The following LUZP2 variants were observed in gnomAD, a reference collection of about 807,000 sequenced individuals.
LUZP2 encodes the protein leucine zipper protein 2.
Under a neutral mutation model 51.6 loss-of-function variants are expected in LUZP2, and 52 were observed. That is an observed-to-expected ratio of 1.01 (90% CI 0.81 to 1.27). LUZP2 has a LOEUF of 1.27. LUZP2 is among the 50% of genes most tolerant of loss of function. The pLI is 0.00. For synonymous variants in LUZP2, 154 were observed against 137.3 expected (o/e 1.12, Z -0.85); for missense variants, 436 against 395.4 (o/e 1.10, Z -0.87).
chr11:24,960,011 G>T (rs1855344411), intron 7 of LUZP2, among the ~76,000 whole-genome samples: 3 of 152,154 alleles, frequency 2.0e-5, no homozygotes, highest in African/African-American at 7.2e-5. Context: ...AGATAATCAT[G>T]TGGTTTTTGT....
chr11:24,922,831 T>TTTTTTG (rs1854104614), intron 7 of LUZP2, among the ~76,000 whole-genome samples: 1 of 44,520 alleles, frequency 2.2e-5, no homozygotes, highest in Non-Finnish European at 4.1e-5. Flanking sequence ...ATATCTTTTT[T>TTTTTTG]TTTTTCTTTT....
At chr11:24,807,326 G>T (rs1200693913) in intron 5 of LUZP2, among the ~76,000 whole-genome samples, 1 of 152,024 alleles carries the variant, frequency 6.6e-6, no homozygotes, top group Non-Finnish European at 1.5e-5. Flanking sequence ...GCCAGGCGTA[G>T]TGGTGAGTGC....
intron 9 of LUZP2, among the ~76,000 whole-genome samples, chr11:25,008,648 TC>T (rs1856901233): frequency 6.6e-6 from 1 of 152,140 alleles, no homozygotes; most frequent in Non-Finnish European, 1.5e-5. Flanking sequence ...GGCTCCAGGT[TC>T]CTGTCCTGGG....
At chr11:24,667,479 C>G (rs1048236977) in intron 1 of LUZP2, among the ~76,000 whole-genome samples, 5 of 152,078 alleles carry the variant, frequency 3.3e-5, no homozygotes, top group African/African-American at 1.2e-4. Context: ...GCTGCCGCGT[C>G]CACCACATGT....
intron 1 of LUZP2, among the ~76,000 whole-genome samples, chr11:24,510,089 G>A (rs1034773605): frequency 2.6e-5 from 4 of 152,076 alleles, no homozygotes; most frequent in African/African-American, 7.2e-5. Flanking sequence ...TTTTAGTAAT[G>A]GCAGCCAGGT....
chr11:24,758,864 T>C (rs983802240), intron 4 of LUZP2, among the ~76,000 whole-genome samples: 1 of 152,092 alleles, frequency 6.6e-6, no homozygotes, highest in African/African-American at 2.4e-5. Context: ...CATTGATTTA[T>C]TTATCATTTT....
chr11:24,629,780 C>G (rs192115375), intron 1 of LUZP2, among the ~76,000 whole-genome samples: 92 of 151,808 alleles, frequency 6.1e-4, no homozygotes, highest in African/African-American at 2.1e-3. Context: ...TACTGTTTGT[C>G]ATAGAGGTTA....
chr11:25,002,817 T>C (rs1856726246), intron 9 of LUZP2, among the ~76,000 whole-genome samples: 1 of 152,134 alleles, frequency 6.6e-6, no homozygotes, highest in Non-Finnish European at 1.5e-5. Context: ...TTCTTTAAGA[T>C]TTTGAAGGCT....
At chr11:24,993,955 G>C (rs993574050) in intron 9 of LUZP2, among the ~76,000 whole-genome samples, 6 of 152,026 alleles carry the variant, frequency 3.9e-5, no homozygotes, top group Non-Finnish European at 5.9e-5. Flanking sequence ...CCGCCTCCGG[G>C]GTTCAAGTGA....
At chr11:24,715,308 C>T (rs12363557) in intron 1 of LUZP2, among the ~76,000 whole-genome samples, 85 of 24,132 alleles carry the variant, frequency 3.5e-3, no homozygotes, top group South Asian at 7.4e-3. Context: ...TGTGTGTGTG[C>T]ATGCGTATTT....
At chr11:24,873,796 T>C (rs931355032) in intron 5 of LUZP2, among the ~76,000 whole-genome samples, 2 of 152,228 alleles carry the variant, frequency 1.3e-5, no homozygotes, top group Non-Finnish European at 2.9e-5. Flanking sequence ...AACAAGTCCC[T>C]TGAGTTCTCT....
At chr11:24,995,484 C>T (rs1856465052) in intron 9 of LUZP2, among the ~76,000 whole-genome samples, 1 of 152,056 alleles carries the variant, frequency 6.6e-6, no homozygotes, top group African/African-American at 2.4e-5. Context: ...TTTATCATTT[C>T]TGGACTCATC....
At chr11:25,036,261 A>G (rs181258400) in intron 9 of LUZP2, among the ~76,000 whole-genome samples, 24 of 152,230 alleles carry the variant, frequency 1.6e-4, no homozygotes, top group Non-Finnish European at 1.5e-5. Context: ...TTGTGTGTAT[A>G]GAGCTTTTCA....
In LUZP2 at chr11:24,561,815, G is replaced by GTAT. The variant is rs1328420478; in HGVS notation, c.62+64511_62+64513dup. Among the ~76,000 whole-genome samples the GTAT allele has an allele frequency of 3.9e-5, 3 of 76,168 alleles. No homozygotes were observed. The South Asian group carries it at 1.0e-3, about 26-fold the overall frequency. The allele number at this position is 76,168 out of a possible 152,430, so 50.0% of individuals were successfully genotyped here. On this transcript the variant is annotated intron_variant, in intron 1 of 11. Transcript: ENST00000336930. Reference sequence around the variant, plus strand: ...CTGCACATGCACCCCAGAACTTAAAGTATAATAATAATAATGATAATAATA... The same window carrying GTAT: ...CTGCACATGCACCCCAGAACTTAAAGTATTATAATAATAATAATGATAATAATA...
intron 2 of LUZP2, among the ~76,000 whole-genome samples, chr11:24,730,635 C>T (rs1383295532): frequency 6.6e-6 from 1 of 151,738 alleles, no homozygotes; most frequent in African/African-American, 2.4e-5. Context: ...GAAACCTGTA[C>T]CTTCTCAGAG....
At chr11:25,050,181 A>C (rs753999917) in intron 10 of LUZP2, 51 bp downstream of exon 10, 2 of 1,113,034 alleles carry the variant, frequency 1.8e-6, no homozygotes, top group Non-Finnish European at 2.6e-6. Context: ...AGAAAAAAGC[A>C]CAAGCATTTT....
chr11:24,528,399 G>A (rs767581870), intron 1 of LUZP2, among the ~76,000 whole-genome samples: 1 of 151,210 alleles, frequency 6.6e-6, no homozygotes, highest in African/African-American at 2.4e-5. Context: ...ACATCTCAGG[G>A]GAGCAGGATT....
chr11:25,074,310 G>T (rs748685263), intron 10 of LUZP2, among the ~76,000 whole-genome samples: 1 of 152,100 alleles, frequency 6.6e-6, no homozygotes, highest in Non-Finnish European at 1.5e-5. Context: ...TATCTCTGGT[G>T]CCTCTCTGAG....
intron 1 of LUZP2, among the ~76,000 whole-genome samples, chr11:24,600,366 T>A (rs1394762216): frequency 6.6e-6 from 1 of 152,068 alleles, no homozygotes; most frequent in Non-Finnish European, 1.5e-5. Context: ...AGAGAGAGCT[T>A]GATTTCAGAT....
Sources: allele counts gnomAD v4.1 joint callset (sites outside exome capture counted in the v4.1 genomes callset), GRCh38; gene constraint gnomAD v4.1.1; transcripts MANE v1.5; gene names NCBI Gene and HGNC (gene_info 2026-07-23, HGNC 2026-07-21).